Variants in ARHGAP26 observed in about 807,000 individuals in gnomAD.
ARHGAP26 encodes the protein Rho GTPase activating protein 26, also known as rho GTPase-activating protein 26.
ARHGAP26 carries 38 observed loss-of-function variants against 104.8 expected under a neutral mutation model. The ratio of observed to expected loss-of-function variants is 0.36; its 90% CI spans 0.28 to 0.48. ARHGAP26 has a LOEUF of 0.48. Among genes scored for constraint, ARHGAP26 ranks in the 20% least tolerant of loss-of-function variants. ARHGAP26 has a pLI of 0.99. For missense variants in ARHGAP26, 704 were observed against 947.9 expected (o/e 0.74, Z 3.38); for synonymous variants, 341 against 340.0 (o/e 1.00, Z -0.03).
chr5:142,856,001 C>T (rs1241770749), intron 1 of ARHGAP26, among the ~76,000 whole-genome samples: 1 of 152,194 alleles, frequency 6.6e-6, no homozygotes, highest in East Asian at 1.9e-4. Context: ...AGAAGTCACA[C>T]AGCAGACAGA....
chr5:143,166,229 C>A, intron 20 of ARHGAP26: 1 of 489,708 alleles, frequency 2.0e-6, no homozygotes, highest in Non-Finnish European at 3.0e-6. Context: ...TCTGAGTAGC[C>A]GGAAGAGCCC....
chr5:143,021,267 T>C (rs1179975326), intron 12 of ARHGAP26, among the ~76,000 whole-genome samples: 1 of 152,194 alleles, frequency 6.6e-6, no homozygotes, highest in Non-Finnish European at 1.5e-5. Context: ...GCTTTAAAAA[T>C]TACAGACATT....
At chr5:142,962,997 T>C (rs1770518961) in intron 11 of ARHGAP26, among the ~76,000 whole-genome samples, 1 of 151,816 alleles carries the variant, frequency 6.6e-6, no homozygotes, top group African/African-American at 2.4e-5. Flanking sequence ...TGTTCCCCTC[T>C]GCGTTCATGA....
chr5:142,973,274 T>A (rs1447303818), intron 11 of ARHGAP26, among the ~76,000 whole-genome samples: 1 of 152,234 alleles, frequency 6.6e-6, no homozygotes, highest in Admixed American at 6.5e-5. Flanking sequence ...ATTTCCATTA[T>A]GTGTATCCAT....
intron 18 of ARHGAP26, among the ~76,000 whole-genome samples, chr5:143,129,371 T>C (rs1381210909): frequency 6.6e-6 from 1 of 152,188 alleles, no homozygotes; most frequent in Non-Finnish European, 1.5e-5. Context: ...CTCACCACAG[T>C]CCTGGGACTT....
chr5:143,166,455 A>G (rs1267987178), intron 20 of ARHGAP26, among the ~76,000 whole-genome samples: 1 of 152,124 alleles, frequency 6.6e-6, no homozygotes, highest in Middle Eastern at 3.2e-3. Context: ...ACCACCATTT[A>G]GCTACTTGGT....
intron 20 of ARHGAP26, among the ~76,000 whole-genome samples, chr5:143,194,385 A>G (rs1460590489): frequency 6.6e-6 from 1 of 152,240 alleles, no homozygotes; most frequent in East Asian, 1.9e-4. Context: ...GCCTTATCCT[A>G]TGAGCAATGG....
intron 20 of ARHGAP26, among the ~76,000 whole-genome samples, chr5:143,176,308 C>T (rs1277205841): frequency 6.6e-6 from 1 of 152,162 alleles, no homozygotes; most frequent in Non-Finnish European, 1.5e-5. Flanking sequence ...CCAGCCACTT[C>T]TGCTTTTATA....
rs11347785 is a variant in ARHGAP26, at chr5:143,224,107, CT to C, written c.*1673del. 0.49 allele frequency: 103,017 copies of C among 208,196 alleles called. 22,166 individuals are homozygous for C. The highest frequency in any genetic ancestry group is 0.67 in the East Asian group (8,556 of 12,826). 12.9% of individuals were successfully genotyped at this position (208,196 alleles called of 1,614,324 possible). A position where few individuals can be genotyped will look rare whatever the true frequency, so the allele number is the denominator to read the frequency against. On this transcript the variant is annotated 3_prime_UTR_variant, in exon 23 of 23. Coordinates refer to ENST00000645722, the MANE Select transcript of ARHGAP26 (RefSeq NM_001135608.3). ...TTGTGTTGAATTACTGTATCTTTTACTTTTTTTTTTTTGAAAAGATAAACTT... is the reference window on the plus strand; with the variant it reads ...TTGTGTTGAATTACTGTATCTTTTACTTTTTTTTTTTGAAAAGATAAACTT...
chr5:142,802,324 G>T (rs888866347), intron 1 of ARHGAP26, among the ~76,000 whole-genome samples: 2 of 152,080 alleles, frequency 1.3e-5, no homozygotes, highest in Non-Finnish European at 2.9e-5. Context: ...TTATTTTTCT[G>T]GTCCTTAATT....
At chr5:143,222,271 A>ACACACACCC in intron 22 of ARHGAP26, 87 bp from the exon 23 acceptor site, 1 of 710,986 alleles carries the variant, frequency 1.4e-6, no homozygotes, top group East Asian at 2.9e-5. Context: ...ACACACACAC[A>ACACACACCC]CACACACACA....
In ARHGAP26 at chr5:142,930,539, C is replaced by T. The variant is rs3756397; in HGVS notation, c.1029-1508C>T. ...CCATCCTCTTGGGATCAGTGTTCCA[C>T]CATCATCAACACGCCCACTCATCTA... On this transcript the variant is annotated intron_variant, in intron 10 of 22. Coordinates refer to ENST00000645722, the MANE Select transcript of ARHGAP26 (RefSeq NM_001135608.3). 1.8e-4 allele frequency among the ~76,000 whole-genome samples: 27 copies of T among 152,210 alleles called. No individual in the cohort carries two copies. In the East Asian group the frequency reaches 5.2e-3, roughly 29 times the overall value.
At chr5:142,921,387 C>T (rs766349287) in intron 10 of ARHGAP26, 8 of 164,124 alleles carry the variant, frequency 4.9e-5, no homozygotes, top group African/African-American at 9.7e-5. Context: ...TTTATGGTGA[C>T]GTAATTTTGA....
chr5:142,947,229 A>G (rs1242598276), intron 11 of ARHGAP26: 1 of 152,136 alleles, frequency 6.6e-6, no homozygotes, highest in African/African-American at 2.4e-5. Context: ...CTATAAATCT[A>G]AAGAGAGCTT....
intron 11 of ARHGAP26, among the ~76,000 whole-genome samples, chr5:142,988,129 G>A (rs1775038965): frequency 6.6e-6 from 1 of 152,124 alleles, no homozygotes. Context: ...GATCCTGGAC[G>A]TTTTTTGGTT....
At chr5:142,964,763 G>A (rs963736719) in intron 11 of ARHGAP26, among the ~76,000 whole-genome samples, 26 of 152,128 alleles carry the variant, frequency 1.7e-4, no homozygotes, top group African/African-American at 5.8e-4. Flanking sequence ...TCTCTTGCAC[G>A]GTAGCCTGTA....
At chr5:142,917,793 A>T (rs1762691134) in intron 10 of ARHGAP26, among the ~76,000 whole-genome samples, 4 of 151,876 alleles carry the variant, frequency 2.6e-5, no homozygotes, top group Admixed American at 2.6e-4. Context: ...TCAGCTCTCG[A>T]GTAGTTGAGA....
At chr5:142,855,329 T>A (rs1410216969) in intron 1 of ARHGAP26, among the ~76,000 whole-genome samples, 4 of 152,198 alleles carry the variant, frequency 2.6e-5, no homozygotes, top group Non-Finnish European at 5.9e-5. Flanking sequence ...TTAGGGTTAT[T>A]GTTTTTTTCA....
At chr5:143,109,696 T>C (rs1251982576) in intron 17 of ARHGAP26, among the ~76,000 whole-genome samples, 2 of 152,066 alleles carry the variant, frequency 1.3e-5, no homozygotes, top group Non-Finnish European at 2.9e-5. Flanking sequence ...CACCTGAGCC[T>C]CCCAAAATGC....
Sources: allele counts gnomAD v4.1 joint callset (sites outside exome capture counted in the v4.1 genomes callset), GRCh38; gene constraint gnomAD v4.1.1; transcripts MANE v1.5; gene names NCBI Gene and HGNC (gene_info 2026-07-23, HGNC 2026-07-21).